The following RABEPK variants were observed in gnomAD, a reference collection of about 807,000 sequenced individuals.
The protein encoded by RABEPK is Rab9 effector protein with kelch motifs.
RABEPK carries 27 observed loss-of-function variants against 34.1 expected under a neutral mutation model. The observed-to-expected ratio is 0.79, with a 90% CI of 0.58 to 1.09. RABEPK has a LOEUF of 1.09. Among genes scored for constraint, RABEPK ranks in the 50% least tolerant of loss-of-function variants. The pLI, the probability that RABEPK is intolerant of heterozygous loss-of-function variation, is 0.00. For missense variants in RABEPK, 449 were observed against 462.6 expected (o/e 0.97, Z 0.27); for synonymous variants, 172 against 169.2 (o/e 1.02, Z -0.13).
At chr9:125,208,942 C>G (rs1431345436) in intron 3 of RABEPK, among the ~76,000 whole-genome samples, 1 of 152,106 alleles carries the variant, frequency 6.6e-6, no homozygotes, top group Non-Finnish European at 1.5e-5. Context: ...TCACCAGCCT[C>G]CCTGCTTCCA....
intron 2 of RABEPK, among the ~76,000 whole-genome samples, chr9:125,205,735 G>T (rs777047116): frequency 6.6e-6 from 1 of 152,132 alleles, no homozygotes; most frequent in Admixed American, 6.6e-5. Flanking sequence ...TGATCTGCCT[G>T]CCTCGGCCTC....
intron 7 of RABEPK, among the ~76,000 whole-genome samples, chr9:125,233,172 G>A (rs1396671706): frequency 1.3e-5 from 2 of 151,900 alleles, no homozygotes; most frequent in African/African-American, 2.4e-5. Flanking sequence ...ACTCTGTAGG[G>A]GATGACATCA....
Position 125,232,745 on chromosome 9 carries a change from G to C in RABEPK, c.826G>C (p.Glu276Gln), listed in dbSNP as rs1189660621. The part of the protein sequence containing the change: ...ALDTMYQYHT[E>Q]EQHWTLLKFD... Reference sequence around the variant, plus strand: ...GGACACAATGTACCAGTATCACACAGGTGAGCAGGTGTCCATGGGGGATCT... The same window carrying C: ...GGACACAATGTACCAGTATCACACACGTGAGCAGGTGTCCATGGGGGATCT... Residue 276 changes from glutamate to glutamine, a missense_variant and splice_region_variant, in exon 7 of 8, where the codon GAA becomes CAA. Transcript: ENST00000373538. 6.2e-7 allele frequency: 1 copy of C among 1,610,774 alleles called. No homozygotes were observed. Among genetic ancestry groups the C allele is most frequent in the Non-Finnish European group, 8.5e-7 (1 of 1,178,256 alleles).
intron 3 of RABEPK, among the ~76,000 whole-genome samples, chr9:125,210,571 T>A (rs188863536): frequency 2.7e-5 from 4 of 150,816 alleles, no homozygotes; most frequent in Admixed American, 2.6e-4. Flanking sequence ...TACAAAAAAA[T>A]TAGCTGGGCA....
intron 4 of RABEPK, among the ~76,000 whole-genome samples, chr9:125,218,242 C>A (rs1854820325): frequency 7.3e-6 from 1 of 137,210 alleles, no homozygotes; most frequent in South Asian, 2.4e-4. Context: ...ATGGCGTGAA[C>A]CCGGGAGGCG....
intron 5 of RABEPK, chr9:125,222,507 G>T (rs992309999): frequency 1.3e-5 from 2 of 151,802 alleles, no homozygotes; most frequent in Non-Finnish European, 2.9e-5. Flanking sequence ...GAGGTCAGGA[G>T]TTCAAGAGCA....
intron 1 of RABEPK, among the ~76,000 whole-genome samples, chr9:125,202,652 A>C (rs191304010): frequency 2.5e-3 from 384 of 152,224 alleles, no homozygotes; most frequent in Non-Finnish European, 3.5e-3. Context: ...CAACATGGTG[A>C]AACTCCATCT....
At position 125,200,667 on chromosome 9, in the gene RABEPK, G is replaced by T. The variant is rs1395532105; in HGVS notation, c.-246G>T. 1 of 471,170 alleles carries T rather than the reference G, an allele frequency of 2.1e-6. No individual in the cohort carries two copies. The highest frequency in any genetic ancestry group is 2.0e-5 in the African/African-American group (1 of 50,210). 29.2% of individuals were successfully genotyped at this position (471,170 alleles called of 1,614,324 possible). A position where few individuals can be genotyped will look rare whatever the true frequency, so the allele number is the denominator to read the frequency against. On this transcript the variant is annotated 5_prime_UTR_variant, in exon 1 of 8. Coordinates refer to ENST00000373538, the MANE Select transcript of RABEPK (RefSeq NM_005833.4). ...CGGGCAGGGAGTCTGAATCTTTTAGGGGAGTGGGCCCAAGCCGGGTGCAAA... is the reference window on the plus strand; with the variant it reads ...CGGGCAGGGAGTCTGAATCTTTTAGTGGAGTGGGCCCAAGCCGGGTGCAAA...
chr9:125,224,020 C>T (rs1365627973), intron 5 of RABEPK, among the ~76,000 whole-genome samples: 2 of 151,744 alleles, frequency 1.3e-5, no homozygotes, highest in South Asian at 2.1e-4. Flanking sequence ...ATGATGAAAC[C>T]CTGTTTCAAC....
chr9:125,230,164 A>G (rs1352057397), intron 6 of RABEPK, among the ~76,000 whole-genome samples: 1 of 151,978 alleles, frequency 6.6e-6, no homozygotes. Context: ...AGGTTTCACC[A>G]TGTTGCCCAG....
intron 5 of RABEPK, among the ~76,000 whole-genome samples, chr9:125,224,983 G>A (rs1411911466): frequency 6.6e-6 from 1 of 152,204 alleles, no homozygotes; most frequent in Non-Finnish European, 1.5e-5. Flanking sequence ...GCAGGATGCA[G>A]TGGTGTGTGC....
chr9:125,204,583 A>G (rs979055616), intron 2 of RABEPK, among the ~76,000 whole-genome samples: 3 of 152,164 alleles, frequency 2.0e-5, no homozygotes, highest in Non-Finnish European at 4.4e-5. Context: ...ACTCCGTCTC[A>G]AACAAACAAA....
intron 3 of RABEPK, 38 bp downstream of exon 3, chr9:125,207,759 A>G: frequency 6.2e-7 from 1 of 1,609,840 alleles, no homozygotes; most frequent in South Asian, 1.1e-5. Context: ...CCCTATGGCC[A>G]GAGAACAGGG....
At chr9:125,227,807 G>C in intron 5 of RABEPK, 103 bp from the exon 6 acceptor site, 1 of 1,173,658 alleles carries the variant, frequency 8.5e-7, no homozygotes, top group Admixed American at 2.9e-5. Context: ...TTCCTGCATG[G>C]GACAGCTCCG....
chr9:125,211,085 A>C lies in RABEPK; in HGVS notation c.212-2285A>C, dbSNP rs1484382445. On this transcript the variant is annotated intron_variant, in intron 3 of 7. Coordinates refer to ENST00000373538, the MANE Select transcript of RABEPK (RefSeq NM_005833.4). ...CCATCTCTACTAAAAATAAAAAAAA[A>C]AATTAGCCAGGCGTGGTGGCGGGCG... Among the ~76,000 whole-genome samples, 4 of 151,344 alleles carry C rather than the reference A, an allele frequency of 2.6e-5. No homozygotes were observed. The East Asian group carries it at 8.2e-4, about 31-fold the overall frequency.
At chr9:125,207,368 C>A (rs1379681974) in intron 2 of RABEPK, among the ~76,000 whole-genome samples, 196 bp from the exon 3 acceptor site, 1 of 152,092 alleles carries the variant, frequency 6.6e-6, no homozygotes, top group African/African-American at 2.4e-5. Context: ...AAGACAGTGA[C>A]AAAATTGAAA....
intron 7 of RABEPK, among the ~76,000 whole-genome samples, chr9:125,233,091 A>G (rs998812391): frequency 1.3e-4 from 19 of 151,582 alleles, no homozygotes; most frequent in African/African-American, 4.6e-4. Flanking sequence ...AAAAAAAAAA[A>G]AGAAAGAAAG....
chr9:125,232,245 C>CACACACACACAG (rs1554733096), intron 6 of RABEPK, among the ~76,000 whole-genome samples: 1 of 149,786 alleles, frequency 6.7e-6, no homozygotes, highest in Admixed American at 6.7e-5. Flanking sequence ...CACACACACA[C>CACACACACACAG]AGAGACAGAG....
rs1311270507 is a variant in RABEPK at position 125,200,761 on chromosome 9, C to G, written c.-152C>G. The G allele has an allele frequency of 6.4e-6, 3 of 471,102 alleles. No homozygotes were observed. The highest frequency in any genetic ancestry group is 1.3e-5 in the Non-Finnish European group (3 of 227,076). The allele number at this position is 471,102 out of a possible 1,614,324, so 29.2% of individuals were successfully genotyped here. On this transcript the variant is annotated 5_prime_UTR_variant, in exon 1 of 8. Transcript: ENST00000373538. ...CCGAATCAGCCTGTTCTTTCCCGAC[C>G]CCGTCTCCTATCCCCTAGAACTGCC...
Sources: gnomAD v4.1 joint callset for allele counts (sites outside exome capture counted in the v4.1 genomes callset) on GRCh38, gnomAD v4.1.1 for gene constraint, MANE v1.5 for transcripts, NCBI Gene and HGNC (gene_info 2026-07-23, HGNC 2026-07-21) for gene names.